The following UNC5C variants were observed in gnomAD, a reference collection of about 807,000 sequenced individuals.
UNC5C encodes the protein netrin receptor UNC5C.
In UNC5C, 47 loss-of-function variants were observed where a neutral mutation model predicts 99.8. The observed-to-expected ratio is 0.47, with a 90% confidence interval of 0.37 to 0.60. The LOEUF (loss-of-function observed/expected upper bound fraction) is 0.60, where lower values mean the gene tolerates loss of function less well. Ranked by LOEUF, UNC5C falls within the 20% of genes least tolerant of loss-of-function variation. UNC5C has a pLI of 0.00. For missense variants in UNC5C, 1,062 were observed against 1,165.9 expected (o/e 0.91, Z 1.30); for synonymous variants, 487 against 452.2 (o/e 1.08, Z -0.98).
chr4:95,343,440 T>C (rs1276370851), intron 1 of UNC5C, among the ~76,000 whole-genome samples: 1 of 152,090 alleles, frequency 6.6e-6, no homozygotes, highest in Non-Finnish European at 1.5e-5. Flanking sequence ...TCTGCAAAAG[T>C]CATAGTGTTA....
At chr4:95,407,799 T>C (rs1040599417) in intron 1 of UNC5C, among the ~76,000 whole-genome samples, 1 of 152,172 alleles carries the variant, frequency 6.6e-6, no homozygotes, top group Non-Finnish European at 1.5e-5. Context: ...ATTACTGTAT[T>C]GGGCAGCTAG....
At chr4:95,356,286 T>C (rs1744201124) in intron 1 of UNC5C, among the ~76,000 whole-genome samples, 1 of 151,886 alleles carries the variant, frequency 6.6e-6, no homozygotes, top group African/African-American at 2.4e-5. Flanking sequence ...TTTTGTCTTA[T>C]CTTAGTTCTC....
chr4:95,255,635 C>CTCCG (rs113196562), intron 4 of UNC5C, among the ~76,000 whole-genome samples: 10,610 of 152,120 alleles, frequency 0.07, 454 homozygotes, highest in African/African-American at 0.12. Flanking sequence ...CGGATTTGTA[C>CTCCG]TCCGTATCTT....
intron 4 of UNC5C, among the ~76,000 whole-genome samples, chr4:95,271,448 C>T (rs945791700): frequency 6.6e-6 from 1 of 152,066 alleles, no homozygotes; most frequent in Non-Finnish European, 1.5e-5. Flanking sequence ...CCAGGATGGT[C>T]TCGATCTCCT....
intron 1 of UNC5C, among the ~76,000 whole-genome samples, chr4:95,540,032 T>C (rs1722877725): frequency 6.6e-6 from 1 of 151,920 alleles, no homozygotes; most frequent in South Asian, 2.1e-4. Context: ...TAAACAAAAA[T>C]AAAAATGACA....
chr4:95,484,547 G>A (rs191512377), intron 1 of UNC5C, among the ~76,000 whole-genome samples: 4 of 151,832 alleles, frequency 2.6e-5, no homozygotes, highest in African/African-American at 9.6e-5. Flanking sequence ...AAGATTCTCC[G>A]GTCTCTTTCT....
intron 14 of UNC5C, among the ~76,000 whole-genome samples, chr4:95,178,351 G>A (rs531853107): frequency 5.3e-5 from 8 of 152,346 alleles, no homozygotes; most frequent in East Asian, 1.9e-4. Flanking sequence ...TACCCTAGGC[G>A]TCAGGCCTGG....
chr4:95,448,227 T>TGTGAGAGAGAGA (rs1339694230), intron 1 of UNC5C, among the ~76,000 whole-genome samples: 3 of 100,086 alleles, frequency 3.0e-5, no homozygotes, highest in Admixed American at 1.1e-4. Context: ...TGTGTGTGTG[T>TGTGAGAGAGAGA]GAGAGAGAGA....
chr4:95,253,874 C>A (rs1739851480), intron 4 of UNC5C, among the ~76,000 whole-genome samples: 1 of 152,292 alleles, frequency 6.6e-6, no homozygotes, highest in Non-Finnish European at 1.5e-5. Context: ...CTCCAGAAGT[C>A]CTGACACTCT....
At position 95,187,256 on chromosome 4, in the gene UNC5C, CCAAT is replaced by C. The variant is rs371008590; in HGVS notation, c.2137-2064_2137-2061del. ...AGAAATCTTTGAGATTACAGTCATG[CCAAT>C]CAATCAGTTCCAGCTTCTTTCTTTC... On this transcript the variant is annotated intron_variant, in intron 12 of 15. Transcript: ENST00000453304. Among the ~76,000 whole-genome samples the C allele has an allele frequency of 9.3e-4, 141 of 152,236 alleles. 1 individual carries two copies. The highest frequency in any genetic ancestry group is 1.9e-3 in the South Asian group (9 of 4,816).
chr4:95,261,789 T>C (rs1740243999), intron 4 of UNC5C, among the ~76,000 whole-genome samples: 1 of 151,506 alleles, frequency 6.6e-6, no homozygotes, highest in Non-Finnish European at 1.5e-5. Flanking sequence ...CTGCAACAAC[T>C]GCCTCCTGGG....
Position 95,359,959 on chromosome 4 carries a change from G to A in UNC5C, c.125-24328C>T, listed in dbSNP as rs528910001. Among the ~76,000 whole-genome samples, 4 of 152,158 alleles carry A rather than the reference G, an allele frequency of 2.6e-5. No homozygotes were observed. The South Asian group carries it at 8.3e-4, about 32-fold the overall frequency. ...CTGCCATTCTGAAGATTAAAAAACA[G>A]GCACAGAGAAGTCCATTAACTTGCC... is the stretch of plus-strand genomic sequence containing the variant. On this transcript the variant is annotated intron_variant, in intron 1 of 15. Transcript: ENST00000453304.
At chr4:95,241,577 C>T (rs1579259873) in intron 7 of UNC5C, among the ~76,000 whole-genome samples, 1 of 152,138 alleles carries the variant, frequency 6.6e-6, no homozygotes, top group Admixed American at 6.5e-5. Context: ...CAACACTAGA[C>T]AACCATTAGT....
intron 1 of UNC5C, among the ~76,000 whole-genome samples, chr4:95,541,223 A>G (rs1225956380): frequency 6.6e-6 from 1 of 152,144 alleles, no homozygotes; most frequent in Non-Finnish European, 1.5e-5. Flanking sequence ...TCAGAAACAA[A>G]CAATTCGTAA....
intron 1 of UNC5C, among the ~76,000 whole-genome samples, chr4:95,447,967 T>C (rs997621600): frequency 6.6e-6 from 1 of 152,056 alleles, no homozygotes; most frequent in African/African-American, 2.4e-5. Context: ...TTTTGACAGA[T>C]TAATAGGAAA....
chr4:95,232,608 CT>C (rs1390810083), intron 7 of UNC5C, among the ~76,000 whole-genome samples: 4 of 152,130 alleles, frequency 2.6e-5, no homozygotes, highest in African/African-American at 9.7e-5. Flanking sequence ...TCAGAGGTCC[CT>C]TTCCACCTAG....
chr4:95,349,930 G>A (rs1354512064), intron 1 of UNC5C, among the ~76,000 whole-genome samples: 2 of 152,020 alleles, frequency 1.3e-5, no homozygotes, highest in Non-Finnish European at 2.9e-5. Context: ...TATTTGCTGA[G>A]ACTGTCTTAG....
At chr4:95,224,814 G>A (rs756806316) in intron 7 of UNC5C, among the ~76,000 whole-genome samples, 7 of 150,712 alleles carry the variant, frequency 4.6e-5, no homozygotes, top group Admixed American at 2.0e-4. Context: ...AATGTGTTTG[G>A]AGATATCAGG....
intron 2 of UNC5C, among the ~76,000 whole-genome samples, chr4:95,333,336 G>A (rs937442254): frequency 3.3e-5 from 5 of 152,132 alleles, no homozygotes; most frequent in African/African-American, 7.2e-5. Flanking sequence ...GTCCAACAAC[G>A]ATAGATTGGA....
Sources: gnomAD v4.1 joint callset for allele counts (sites outside exome capture counted in the v4.1 genomes callset) on GRCh38, gnomAD v4.1.1 for gene constraint, MANE v1.5 for transcripts, NCBI Gene and HGNC (gene_info 2026-07-23, HGNC 2026-07-21) for gene names.